NIN: variants seen among roughly 807,000 people sequenced by gnomAD.
The protein encoded by NIN is glycogen synthase kinase 3 beta-interacting protein.
NIN carries 137 observed loss-of-function variants against 257.6 expected under a neutral mutation model. That is an observed-to-expected ratio of 0.53 (90% confidence interval 0.46 to 0.61). NIN has a LOEUF of 0.61. Among genes scored for constraint, NIN ranks in the 20% least tolerant of loss-of-function variants. The pLI is 0.00. For missense variants in NIN, 2,439 were observed against 2,501.2 expected (o/e 0.98, Z 0.53); for synonymous variants, 918 against 919.8 (o/e 1.00, Z 0.04).
intron 7 of NIN, among the ~76,000 whole-genome samples, chr14:50,774,375 A>G (rs1427969370): frequency 6.6e-6 from 1 of 152,112 alleles, no homozygotes; most frequent in African/African-American, 2.4e-5. Flanking sequence ...TTTTTCCCCA[A>G]TTCATACCCA....
intron 27 of NIN, among the ~76,000 whole-genome samples, chr14:50,736,480 G>C (rs909171010): frequency 6.6e-6 from 1 of 152,134 alleles, no homozygotes. Context: ...TAGTGAGCTA[G>C]AGGACACCGA....
rs762670219 is a variant in NIN at position 50,735,530 on chromosome 14, C to A, written c.5863G>T (p.Glu1955Ter). 1 of 1,613,242 alleles carries A rather than the reference C, an allele frequency of 6.2e-7. No individual in the cohort carries two copies. The highest frequency in any genetic ancestry group is 1.1e-5 in the South Asian group (1 of 91,050). ...GAGAAACTTACCTCCATGAGCTGCTCATCCAGTTTTACTTGTTTCTTTTTC... is the reference window on the plus strand; with the variant it reads ...GAGAAACTTACCTCCATGAGCTGCTAATCCAGTTTTACTTGTTTCTTTTTC... ...GLKKKQVKLD[E>*]QLMEMQHLRS... is the part of the protein sequence containing the mutation. Residue 1955 changes from glutamate to a stop codon, truncating the protein, a stop_gained, in exon 28 of 31, where the codon GAG (glutamate) becomes TAG (stop). Transcript: ENST00000530997. LOFTEE classifies it high-confidence loss of function.
intron 29 of NIN, among the ~76,000 whole-genome samples, chr14:50,728,812 G>A (rs1393368978): frequency 6.6e-6 from 1 of 152,170 alleles, no homozygotes; most frequent in East Asian, 1.9e-4. Flanking sequence ...TGGATGTGGT[G>A]GTGAGCTGGG....
chr14:50,806,697 T>C (rs1253746602), intron 4 of NIN, 40 bp downstream of exon 4: 3 of 1,166,354 alleles, frequency 2.6e-6, no homozygotes, highest in Non-Finnish European at 3.8e-6. Flanking sequence ...CCGGACAACT[T>C]TTAAAGGGGA....
chr14:50,797,083 T>C (rs2043872673), intron 4 of NIN, among the ~76,000 whole-genome samples: 1 of 152,242 alleles, frequency 6.6e-6, no homozygotes, highest in South Asian at 2.1e-4. Context: ...AGCTGCTTCC[T>C]GGAAGTTAAA....
chr14:50,723,467 G>A lies in NIN; in HGVS notation c.6398C>T (p.Ser2133Leu). 6.2e-7 allele frequency: 1 copy of A among 1,611,248 alleles called. No homozygotes were observed. Among genetic ancestry groups the A allele is most frequent in the East Asian group, 2.2e-5 (1 of 44,866 alleles). The change falls in exon 31 of 31, where the codon TCA (serine) becomes TTA (leucine). Residue 2133 changes from serine (S) to leucine (L), a missense_variant. By Grantham distance (145) the Ser-to-Leu change is moderately radical. Coordinates refer to ENST00000530997, the MANE Select transcript of NIN (RefSeq NM_020921.4). The stretch of plus-strand genomic sequence containing the variant: ...TGAGTGTACCCTTTGGTTTGGCTAT[G>A]ACCTCAAAGGAGGTGTAGAAGTCAA... The part of the protein sequence containing the change: ...APLTSTPPLR[S>L]
intron 10 of NIN, 114 bp from the exon 11 acceptor site, chr14:50,771,106 AC>A: frequency 2.2e-6 from 3 of 1,335,986 alleles, no homozygotes; most frequent in Admixed American, 2.6e-5. Flanking sequence ...GACAACCAAA[AC>A]CCTCCCAAAG....
intron 9 of NIN, 163 bp downstream of exon 9, chr14:50,772,138 T>TG (rs1162527309): frequency 1.7e-6 from 1 of 592,118 alleles, no homozygotes; most frequent in African/African-American, 1.8e-5. Flanking sequence ...AAAAGGCTCC[T>TG]GGTTAAAAGG....
intron 4 of NIN, among the ~76,000 whole-genome samples, chr14:50,798,722 A>G (rs894988757): frequency 2.6e-5 from 4 of 152,170 alleles, no homozygotes; most frequent in Admixed American, 2.6e-4. Context: ...TCTTGGCACC[A>G]CTTTCATGGA....
chr14:50,758,154 C>G lies in NIN; in HGVS notation c.2876G>C (p.Gly959Ala). ...REREEVLCQAGASEQLASQRL... is the reference protein window; with the variant it reads ...REREEVLCQAAASEQLASQRL... ...CTGGCTGGCCAGCTGCTCCGAAGCC[C>G]CTGCCTGGCACAGGACCTCCTCACG... Residue 959 changes from glycine (G) to alanine (A), a missense_variant, in exon 18 of 31, where the codon GGG becomes GCG. Gly to Ala is a moderately conservative substitution (Grantham distance 60, BLOSUM62 0). Around this residue, in one of 3 missense-constraint regions of NIN, gnomAD observed 2,043 missense variants for 2,050.2 expected, o/e 1.00. Transcript: ENST00000530997. 1 of 1,614,216 alleles carries G rather than the reference C, an allele frequency of 6.2e-7. No individual in the cohort carries two copies. The highest frequency in any genetic ancestry group is 1.3e-5 in the African/African-American group (1 of 75,046).
At chr14:50,745,185 G>A (rs964341140) in intron 22 of NIN, among the ~76,000 whole-genome samples, 1 of 152,086 alleles carries the variant, frequency 6.6e-6, no homozygotes, top group African/African-American at 2.4e-5. Context: ...CTCATTTTGG[G>A]CTGGATAATT....
chr14:50,741,204 G>A (rs1444575562), intron 25 of NIN, among the ~76,000 whole-genome samples: 2 of 151,978 alleles, frequency 1.3e-5, no homozygotes, highest in African/African-American at 2.4e-5. Context: ...TACCATTTAA[G>A]AAAATGTTTT....
chr14:50,743,398 C>T lies in NIN; in HGVS notation c.5301+18G>A. ...GAGAATACTAACCGTGAAGATGAAA[C>T]AAGAATTGTCCATGTACCTTTTCCT... On this transcript the variant is annotated intron_variant, in intron 24 of 30. Transcript: ENST00000530997. 1 of 1,470,916 alleles carries T rather than the reference C, an allele frequency of 6.8e-7. No homozygotes were observed. Among genetic ancestry groups the T allele is most frequent in the Non-Finnish European group, 9.5e-7 (1 of 1,049,294 alleles). 91.1% of individuals were successfully genotyped at this position (1,470,916 alleles called of 1,614,324 possible). A position where few individuals can be genotyped will look rare whatever the true frequency, so the allele number is the denominator to read the frequency against.
Position 50,766,380 on chromosome 14 carries a change from G to A in NIN, c.1562C>T (p.Pro521Leu), listed in dbSNP as rs2042488214. 1 of 1,614,126 alleles carries A rather than the reference G, an allele frequency of 6.2e-7. No individual in the cohort carries two copies. The highest frequency in any genetic ancestry group is 8.5e-7 in the Non-Finnish European group (1 of 1,179,994). The change falls in exon 14 of 31, where the codon CCT becomes CTT. Residue 521 changes from proline to leucine, a missense_variant. By Grantham distance (98) the Pro-to-Leu change is moderately conservative. Around this residue, in one of 3 missense-constraint regions of NIN, gnomAD observed 2,043 missense variants for 2,050.2 expected, o/e 1.00. Transcript: ENST00000530997. ...TTGCAGGAAGAACTCAGCACTGCTA[G>A]GATCGAGGTCACCAAACTAGAAGGG... ...VLAEKFGDLD[P>L]SSAEFFLQEE... is the part of the protein sequence containing the mutation.
intron 4 of NIN, among the ~76,000 whole-genome samples, chr14:50,803,678 C>T (rs1406479646): frequency 6.6e-6 from 1 of 152,152 alleles, no homozygotes; most frequent in Non-Finnish European, 1.5e-5. Context: ...CTCTTTGGGC[C>T]TCTAATTGCT....
chr14:50,734,278 G>A, intron 28 of NIN, among the ~76,000 whole-genome samples: 1 of 151,900 alleles, frequency 6.6e-6, no homozygotes, highest in South Asian at 2.1e-4. Context: ...TTTTAGTAGA[G>A]ACAGGGTTTC....
intron 4 of NIN, among the ~76,000 whole-genome samples, chr14:50,801,032 T>C (rs1179173357): frequency 2.0e-5 from 3 of 151,044 alleles, no homozygotes; most frequent in Non-Finnish European, 4.4e-5. Context: ...TCCGGAGTGA[T>C]CCCACCTCAG....
chr14:50,800,553 A>G (rs1045233394), intron 4 of NIN, among the ~76,000 whole-genome samples: 4 of 152,222 alleles, frequency 2.6e-5, no homozygotes, highest in African/African-American at 9.7e-5. Context: ...ATGTACATCT[A>G]TAATTATTTA....
chr14:50,749,824 G>T (rs2041712327), intron 21 of NIN, among the ~76,000 whole-genome samples: 1 of 151,972 alleles, frequency 6.6e-6, no homozygotes, highest in Admixed American at 6.6e-5. Flanking sequence ...TGAATAGCTG[G>T]GACTATAGGG....
Sources: allele counts gnomAD v4.1 joint callset (sites outside exome capture counted in the v4.1 genomes callset), GRCh38; gene constraint gnomAD v4.1.1; regional missense constraint gnomAD v4.1.1; transcripts MANE v1.5; gene names NCBI Gene and HGNC (gene_info 2026-07-23, HGNC 2026-07-21).